Variants in PDCD1LG2 observed in about 807,000 individuals in gnomAD.
PDCD1LG2 encodes the protein programmed cell death 1 ligand 2, also known as B7 dendritic cell molecule.
A neutral mutation model predicts 28.2 loss-of-function variants in PDCD1LG2; 32 were observed. The ratio of observed to expected loss-of-function variants is 1.13; its 90% CI spans 0.86 to 1.52. PDCD1LG2 has a LOEUF of 1.52. Ranked by LOEUF, PDCD1LG2 falls within the 40% of genes most tolerant of loss-of-function variation. The pLI, the probability that PDCD1LG2 is intolerant of heterozygous loss-of-function variation, is 0.00. For synonymous variants in PDCD1LG2, 116 were observed against 120.2 expected (o/e 0.97, Z 0.23); for missense variants, 385 against 323.8 (o/e 1.19, Z -1.45).
chr9:5,519,654 T>C (rs1450679122), intron 1 of PDCD1LG2, among the ~76,000 whole-genome samples: 2 of 152,236 alleles, frequency 1.3e-5, no homozygotes, highest in African/African-American at 4.8e-5. Context: ...CACTTCTGCA[T>C]TGATGACTCC....
rs779481140 is a variant in PDCD1LG2 at position 5,549,570 on chromosome 9, G to A, written c.597G>A (p.Val199=). The A allele has an allele frequency of 6.2e-7, 1 of 1,614,210 alleles. No individual in the cohort carries two copies. Among genetic ancestry groups the A allele is most frequent in the South Asian group, 1.1e-5 (1 of 91,086 alleles). Residue 199 remains valine (V), a synonymous_variant, in exon 4 of 7, where the codon GTG becomes GTA. Coordinates refer to ENST00000397747, the MANE Select transcript of PDCD1LG2 (RefSeq NM_025239.4). ...NFSCVFWNTH[V]RELTLASIDL... The stretch of plus-strand genomic sequence containing the variant: ...GCTGTGTGTTCTGGAATACTCACGT[G>A]AGGGAACTTACTTTGGCCAGCATTG...
At chr9:5,558,201 C>T (rs955151157) in intron 5 of PDCD1LG2, among the ~76,000 whole-genome samples, 7 of 152,140 alleles carry the variant, frequency 4.6e-5, no homozygotes, top group Admixed American at 6.5e-5. Flanking sequence ...CTCAACCTCA[C>T]GGTTGGGTAA....
At chr9:5,554,046 C>T (rs968437784) in intron 4 of PDCD1LG2, among the ~76,000 whole-genome samples, 8 of 152,168 alleles carry the variant, frequency 5.3e-5, no homozygotes, top group African/African-American at 1.9e-4. Context: ...CACTCCAGGG[C>T]ACAAGGGGGT....
chr9:5,512,474 T>G (rs1820080501), intron 1 of PDCD1LG2, among the ~76,000 whole-genome samples: 1 of 152,198 alleles, frequency 6.6e-6, no homozygotes, highest in Admixed American at 6.5e-5. Context: ...TCAGAAGTAC[T>G]GCCCTGGGGG....
At chr9:5,537,575 C>T (rs7027668) in intron 3 of PDCD1LG2, among the ~76,000 whole-genome samples, 61,415 of 151,982 alleles carry the variant, frequency 0.4, 14,230 homozygotes, top group African/African-American at 0.65. Flanking sequence ...TCATGTCCTT[C>T]GTAGGGACAT....
rs1258894147 is a variant in PDCD1LG2, at chr9:5,563,198, A to T, written c.803A>T (p.Glu268Val). ...AGACCTGTCACCACAACAAAGAGGG[A>T]AGTGAACAGTGCTGTGAGTAAGCAT... The part of the protein sequence containing the change: ...TKRPVTTTKR[E>V]VNSAI The change falls in exon 6 of 7, where the codon GAA becomes GTA. Residue 268 changes from glutamate to valine, a missense_variant. Physicochemically the swap from Glu to Val is moderately radical, Grantham distance 121. Transcript: ENST00000397747. 2 of 1,612,518 alleles carry T rather than the reference A, an allele frequency of 1.2e-6. No individual in the cohort carries two copies. Among genetic ancestry groups the T allele is most frequent in the Non-Finnish European group, 1.7e-6 (2 of 1,178,714 alleles).
chr9:5,553,527 T>G (rs945978161), intron 4 of PDCD1LG2, among the ~76,000 whole-genome samples: 1 of 152,152 alleles, frequency 6.6e-6, no homozygotes, highest in Non-Finnish European at 1.5e-5. Context: ...ATGAGATGAA[T>G]TGAGAAATAA....
chr9:5,523,796 C>A (rs1586794984), intron 2 of PDCD1LG2, among the ~76,000 whole-genome samples: 1 of 152,136 alleles, frequency 6.6e-6, no homozygotes, highest in Admixed American at 6.5e-5. Context: ...GGACTGGGGG[C>A]TTCAGGAGAA....
intron 3 of PDCD1LG2, among the ~76,000 whole-genome samples, chr9:5,542,760 A>T (rs1432411727): frequency 6.6e-6 from 1 of 152,206 alleles, no homozygotes; most frequent in Non-Finnish European, 1.5e-5. Context: ...CACTATGGAA[A>T]ACAGTGTGGA....
intron 3 of PDCD1LG2, among the ~76,000 whole-genome samples, chr9:5,544,367 T>C (rs1469281461): frequency 3.3e-5 from 5 of 152,164 alleles, no homozygotes; most frequent in Admixed American, 1.3e-4. Flanking sequence ...TGGAACCCAG[T>C]GGGCCTGTCC....
At chr9:5,560,140 C>T (rs1266446658) in intron 5 of PDCD1LG2, among the ~76,000 whole-genome samples, 1 of 152,212 alleles carries the variant, frequency 6.6e-6, no homozygotes, top group Non-Finnish European at 1.5e-5. Context: ...ATACTCAGCA[C>T]ACAATCACAT....
At chr9:5,510,844 T>C (rs202172622) in intron 1 of PDCD1LG2, 41 bp downstream of exon 1, 1 of 151,666 alleles carries the variant, frequency 6.6e-6, no homozygotes, top group South Asian at 2.1e-4. Context: ...TACTATTATG[T>C]TGTGGACCAT....
rs555549184 is a variant in PDCD1LG2, at chr9:5,534,975, G to A, written c.286G>A (p.Asp96Asn). 5 of 1,614,152 alleles carry A rather than the reference G, an allele frequency of 3.1e-6. No individual in the cohort carries two copies. In the East Asian group the frequency reaches 1.1e-4, roughly 36 times the overall value. ...SFHIPQVQVR[D>N]EGQYQCIIIY... Reference sequence around the variant, plus strand: ...CCACATACCTCAAGTCCAAGTGAGGGACGAAGGACAGTACCAATGCATAAT... The same window carrying A: ...CCACATACCTCAAGTCCAAGTGAGGAACGAAGGACAGTACCAATGCATAAT... The change falls in exon 3 of 7, where the codon GAC (aspartate) becomes AAC (asparagine). Residue 96 changes from aspartate (D) to asparagine (N), a missense_variant. Coordinates refer to ENST00000397747, the MANE Select transcript of PDCD1LG2 (RefSeq NM_025239.4).
At chr9:5,536,019 G>C (rs1345637544) in intron 3 of PDCD1LG2, among the ~76,000 whole-genome samples, 1 of 152,188 alleles carries the variant, frequency 6.6e-6, no homozygotes, top group Non-Finnish European at 1.5e-5. Flanking sequence ...TTGGACCTCA[G>C]ATGGTCTGTA....
intron 5 of PDCD1LG2, among the ~76,000 whole-genome samples, chr9:5,561,144 A>T (rs1816554407): frequency 6.6e-6 from 1 of 152,178 alleles, no homozygotes; most frequent in Admixed American, 6.5e-5. Context: ...TGCTCTGTCC[A>T]ATATAATAGC....
intron 3 of PDCD1LG2, among the ~76,000 whole-genome samples, chr9:5,541,202 G>A (rs892974975): frequency 1.3e-5 from 2 of 152,104 alleles, no homozygotes; most frequent in African/African-American, 2.4e-5. Context: ...TAGCACAGAA[G>A]GAACATATCT....
intron 3 of PDCD1LG2, among the ~76,000 whole-genome samples, chr9:5,548,914 C>T (rs150174811): frequency 3.9e-4 from 60 of 152,128 alleles, no homozygotes; most frequent in African/African-American, 1.1e-3. Context: ...TTTATTTTTC[C>T]GTCCTCTTTC....
intron 6 of PDCD1LG2, among the ~76,000 whole-genome samples, 161 bp downstream of exon 6, chr9:5,563,372 G>T (rs1346624634): frequency 2.6e-5 from 4 of 152,130 alleles, no homozygotes; most frequent in Non-Finnish European, 5.9e-5. Context: ...CTCGTTCTTA[G>T]CCCCAGAACA....
intron 2 of PDCD1LG2, among the ~76,000 whole-genome samples, chr9:5,530,319 G>T (rs572692876): frequency 6.6e-6 from 1 of 152,240 alleles, no homozygotes; most frequent in South Asian, 2.1e-4. Context: ...TGAATGGAAA[G>T]CCTGTGTTGT....
Sources: allele counts gnomAD v4.1 joint callset (sites outside exome capture counted in the v4.1 genomes callset), GRCh38; gene constraint gnomAD v4.1.1; transcripts MANE v1.5; gene names NCBI Gene and HGNC (gene_info 2026-07-23, HGNC 2026-07-21).